The following GRIN2B variants were observed in gnomAD, a reference collection of about 807,000 sequenced individuals.
GRIN2B encodes glutamate ionotropic receptor NMDA type subunit 2B.
GRIN2B carries 5 observed loss-of-function variants against 114.5 expected under a neutral mutation model. The observed-to-expected ratio is 0.04, with a 90% CI of 0.02 to 0.09. The LOEUF (loss-of-function observed/expected upper bound fraction) is 0.09, where lower values mean the gene tolerates loss of function less well. GRIN2B is among the 10% of genes least tolerant of loss of function. The pLI, the probability that GRIN2B is intolerant of heterozygous loss-of-function variation, is 1.00. For synonymous variants in GRIN2B, 787 were observed against 745.1 expected, an observed-to-expected ratio of 1.06 and a Z score of -0.92; for missense variants, 1,108 against 1,943.5, an observed-to-expected ratio of 0.57 and a Z score of 8.08.
At chr12:13,966,224 A>G (rs1423868384) in intron 2 of GRIN2B, among the ~76,000 whole-genome samples, 1 of 152,212 alleles carries the variant, frequency 6.6e-6, no homozygotes, top group Non-Finnish European at 1.5e-5. Flanking sequence ...AGACCAAATA[A>G]TGTATGAGGA....
At chr12:13,724,859 T>A (rs904102848) in intron 4 of GRIN2B, among the ~76,000 whole-genome samples, 3 of 152,146 alleles carry the variant, frequency 2.0e-5, no homozygotes, top group Non-Finnish European at 4.4e-5. Flanking sequence ...CTAGGCAAGC[T>A]AAATAATCCT....
At position 13,545,533 on chromosome 12, in the gene GRIN2B, A is replaced by C. The variant is rs557830332; in HGVS notation, c.*17250T>G. The C allele has an allele frequency of 6.6e-6, 1 of 152,296 alleles. No homozygotes were observed. The highest frequency in any genetic ancestry group is 2.4e-5 in the African/African-American group (1 of 41,572). 9.4% of individuals were successfully genotyped at this position (152,296 alleles called of 1,614,324 possible). ...ATATCCCCAAAATAAGAGCTCCAGTAAACAAAACAATGCAAGCAAGGAAAC... is the reference window on the plus strand; with the variant it reads ...ATATCCCCAAAATAAGAGCTCCAGTCAACAAAACAATGCAAGCAAGGAAAC... On this transcript the variant is annotated 3_prime_UTR_variant, in exon 14 of 14. Coordinates refer to ENST00000609686, the MANE Select transcript of GRIN2B (RefSeq NM_000834.5).
intron 2 of GRIN2B, among the ~76,000 whole-genome samples, chr12:13,873,367 A>G (rs1337024480): frequency 1.3e-5 from 2 of 152,168 alleles, no homozygotes; most frequent in Non-Finnish European, 1.5e-5. Context: ...TAGAAGACCA[A>G]TATCTATTTT....
At chr12:13,670,698 G>C (rs1950015156) in intron 5 of GRIN2B, among the ~76,000 whole-genome samples, 3 of 151,874 alleles carry the variant, frequency 2.0e-5, no homozygotes, top group Non-Finnish European at 4.4e-5. Flanking sequence ...TGCACACAAT[G>C]ATTTTTTTTT....
At chr12:13,778,357 G>A (rs556425935) in intron 3 of GRIN2B, among the ~76,000 whole-genome samples, 11 of 152,222 alleles carry the variant, frequency 7.2e-5, no homozygotes, top group African/African-American at 1.2e-4. Flanking sequence ...AACTTTCTTC[G>A]ATCATATTAC....
chr12:13,738,315 A>G (rs552588444), intron 4 of GRIN2B, among the ~76,000 whole-genome samples: 3 of 152,326 alleles, frequency 2.0e-5, no homozygotes, highest in African/African-American at 7.2e-5. Flanking sequence ...CAAAGCATCA[A>G]TTTCTCATCA....
chr12:13,676,328 A>T (rs1317962547), intron 4 of GRIN2B, among the ~76,000 whole-genome samples: 1 of 152,146 alleles, frequency 6.6e-6, no homozygotes. Context: ...CATCCTGCAC[A>T]TGTACCCCAG....
intron 5 of GRIN2B, among the ~76,000 whole-genome samples, chr12:13,655,766 C>T (rs1358990178): frequency 6.6e-6 from 1 of 152,146 alleles, no homozygotes; most frequent in Non-Finnish European, 1.5e-5. Context: ...TAGAACAGTG[C>T]CTGACCTATA....
chr12:13,892,749 C>T (rs1866284766), intron 2 of GRIN2B, among the ~76,000 whole-genome samples: 1 of 152,160 alleles, frequency 6.6e-6, no homozygotes, highest in Non-Finnish European at 1.5e-5. Flanking sequence ...CAACAAAAGT[C>T]CCAAGAGCTA....
At chr12:13,839,667 G>A (rs993654273) in intron 3 of GRIN2B, among the ~76,000 whole-genome samples, 1 of 152,144 alleles carries the variant, frequency 6.6e-6, no homozygotes, top group African/African-American at 2.4e-5. Context: ...GAAGCCCCAG[G>A]TGTCAGACAA....
intron 9 of GRIN2B, among the ~76,000 whole-genome samples, chr12:13,609,177 C>T (rs1159765430): frequency 6.6e-6 from 1 of 152,130 alleles, no homozygotes; most frequent in East Asian, 1.9e-4. Context: ...AACAGGCCAA[C>T]TATGTCACTA....
chr12:13,738,576 G>A (rs2136613201), intron 4 of GRIN2B, among the ~76,000 whole-genome samples: 1 of 152,246 alleles, frequency 6.6e-6, no homozygotes, highest in African/African-American at 2.4e-5. Context: ...TTCATATCCT[G>A]TACCCTTTCC....
At chr12:13,830,864 A>T (rs1305788937) in intron 3 of GRIN2B, among the ~76,000 whole-genome samples, 1 of 152,234 alleles carries the variant, frequency 6.6e-6, no homozygotes, top group African/African-American at 2.4e-5. Flanking sequence ...GCCCTGCCTT[A>T]TCACAGGTAC....
At chr12:13,839,962 G>T (rs1005885239) in intron 3 of GRIN2B, among the ~76,000 whole-genome samples, 4 of 152,090 alleles carry the variant, frequency 2.6e-5, no homozygotes, top group Non-Finnish European at 4.4e-5. Flanking sequence ...TAGAAACCAT[G>T]GGATATTTTT....
intron 3 of GRIN2B, among the ~76,000 whole-genome samples, chr12:13,856,743 T>C (rs1420511863): frequency 1.3e-5 from 2 of 152,182 alleles, no homozygotes; most frequent in Non-Finnish European, 2.9e-5. Context: ...CCCAGGGTTC[T>C]GCCCTTGACC....
At chr12:13,611,881 T>A in intron 8 of GRIN2B, 31 bp from the exon 9 acceptor site, 1 of 1,610,314 alleles carries the variant, frequency 6.2e-7, no homozygotes, top group Non-Finnish European at 8.5e-7. Flanking sequence ...GTGCTCAGGG[T>A]TAGAACAGAG....
At chr12:13,754,459 T>C (rs1863542777) in intron 3 of GRIN2B, among the ~76,000 whole-genome samples, 1 of 152,236 alleles carries the variant, frequency 6.6e-6, no homozygotes, top group Non-Finnish European at 1.5e-5. Context: ...GTCATTGAGC[T>C]ACACATAAAC....
intron 2 of GRIN2B, among the ~76,000 whole-genome samples, chr12:13,956,484 T>C (rs969294262): frequency 7.2e-5 from 11 of 152,232 alleles, no homozygotes; most frequent in African/African-American, 2.4e-4. Flanking sequence ...TTTCTCTCTG[T>C]CACAGCTGCC....
intron 10 of GRIN2B, among the ~76,000 whole-genome samples, chr12:13,584,797 A>G (rs906225357): frequency 6.6e-6 from 1 of 152,252 alleles, no homozygotes; most frequent in African/African-American, 2.4e-5. Context: ...AAACAGAGGC[A>G]TAAGGACAGA....
Sources: allele counts gnomAD v4.1 joint callset (sites outside exome capture counted in the v4.1 genomes callset), GRCh38; gene constraint gnomAD v4.1.1; transcripts MANE v1.5; gene names NCBI Gene and HGNC (gene_info 2026-07-23, HGNC 2026-07-21).